The following PRKN variants were observed in gnomAD, a reference collection of about 807,000 sequenced individuals.
PRKN encodes the protein parkin RBR E3 ubiquitin protein ligase.
PRKN carries 56 observed loss-of-function variants against 59.5 expected under a neutral mutation model. The ratio of observed to expected loss-of-function variants is 0.94; its 90% CI spans 0.76 to 1.18. The LOEUF (loss-of-function observed/expected upper bound fraction) is 1.18, where lower values mean the gene tolerates loss of function less well. Ranked by LOEUF, PRKN falls within the 50% of genes most tolerant of loss-of-function variation. The pLI is 0.00. For missense variants in PRKN, 657 were observed against 596.4 expected (o/e 1.10, Z -1.06); for synonymous variants, 250 against 222.1 (o/e 1.13, Z -1.12).
In PRKN at chr6:161,499,953, T is replaced by A. The variant is rs557598748; in HGVS notation, c.1083+48901A>T. On this transcript the variant is annotated intron_variant, in intron 9 of 11. Coordinates refer to ENST00000366898, the MANE Select transcript of PRKN (RefSeq NM_004562.3). This position sits in a 1 kb window ranked among gnomAD's most constrained non-coding sequence, Gnocchi z 4.2. ...AGATAAACTGAACACCAAGTTGTCT[T>A]CTGAATGCTGCCCTCACTCTCCTCC... 9.2e-5 allele frequency among the ~76,000 whole-genome samples: 14 copies of A among 152,322 alleles called. No individual in the cohort carries two copies. The highest frequency in any genetic ancestry group is 3.4e-4 in the African/African-American group (14 of 41,568).
chr6:162,366,770 T>C (rs1278903970), intron 2 of PRKN, among the ~76,000 whole-genome samples: 4 of 151,912 alleles, frequency 2.6e-5, no homozygotes, highest in Non-Finnish European at 5.9e-5. Flanking sequence ...CTGGGTGTGG[T>C]GGTACATAAT....
chr6:162,565,848 T>C (rs1392622094), intron 1 of PRKN, among the ~76,000 whole-genome samples: 1 of 152,102 alleles, frequency 6.6e-6, no homozygotes, highest in Non-Finnish European at 1.5e-5. Flanking sequence ...CACACTTCAC[T>C]ATAAAGATCC....
At chr6:161,683,942 A>T (rs1340795495) in intron 7 of PRKN, among the ~76,000 whole-genome samples, 4 of 152,250 alleles carry the variant, frequency 2.6e-5, no homozygotes, top group Admixed American at 6.5e-5. Context: ...TTCTTCACTT[A>T]AATTTCATAT....
At chr6:162,612,921 A>G (rs966686496) in intron 1 of PRKN, among the ~76,000 whole-genome samples, 3 of 152,090 alleles carry the variant, frequency 2.0e-5, no homozygotes, top group African/African-American at 4.8e-5. Context: ...GTCTCTTCCC[A>G]CCAACCTATA....
chr6:162,545,827 G>A (rs181983520), intron 1 of PRKN, among the ~76,000 whole-genome samples: 3 of 152,118 alleles, frequency 2.0e-5, no homozygotes, highest in South Asian at 4.1e-4. Context: ...TTTCTCCTCC[G>A]AATTGGTAAT....
intron 3 of PRKN, among the ~76,000 whole-genome samples, chr6:162,257,944 C>T (rs1377778712): frequency 1.3e-5 from 2 of 152,118 alleles, no homozygotes; most frequent in Non-Finnish European, 2.9e-5. Context: ...GACCTCTCCA[C>T]CCTGCCCTTT....
chr6:161,700,095 G>A (rs1448153960), intron 7 of PRKN, among the ~76,000 whole-genome samples: 1 of 151,760 alleles, frequency 6.6e-6, no homozygotes, highest in Non-Finnish European at 1.5e-5. Flanking sequence ...ATGCCATCTA[G>A]TAGGACACCA....
At chr6:161,858,671 G>GCT (rs1793754559) in intron 6 of PRKN, among the ~76,000 whole-genome samples, 2 of 151,202 alleles carry the variant, frequency 1.3e-5, no homozygotes, top group Admixed American at 6.6e-5. Flanking sequence ...TGGGTGAAAT[G>GCT]CTCTTCCCGT....
intron 6 of PRKN, among the ~76,000 whole-genome samples, chr6:161,933,820 T>G (rs1331644484): frequency 1.7e-4 from 25 of 146,634 alleles, no homozygotes; most frequent in Admixed American, 1.4e-3. Flanking sequence ...GTCCTAAAGT[T>G]TCTGTCTGTC....
At chr6:162,097,860 A>T (rs1779807188) in intron 4 of PRKN, among the ~76,000 whole-genome samples, 1 of 152,220 alleles carries the variant, frequency 6.6e-6, no homozygotes, top group African/African-American at 2.4e-5. Context: ...AAACCAACGA[A>T]AAGCTTCCAA....
chr6:161,389,249 C>T (rs897554370), intron 9 of PRKN, among the ~76,000 whole-genome samples: 10 of 152,184 alleles, frequency 6.6e-5, no homozygotes, highest in African/African-American at 2.4e-4. Context: ...TCCTTTCCTA[C>T]GTCCAATTTC....
chr6:161,929,145 T>C (rs1482513505), intron 6 of PRKN, among the ~76,000 whole-genome samples: 4 of 152,114 alleles, frequency 2.6e-5, no homozygotes, highest in Admixed American at 6.5e-5. Flanking sequence ...CCATAAAAAG[T>C]AATAAAGGAT....
intron 7 of PRKN, among the ~76,000 whole-genome samples, chr6:161,758,043 T>A (rs925356134): frequency 2.7e-5 from 4 of 150,588 alleles, no homozygotes; most frequent in African/African-American, 9.8e-5. Context: ...ACACACTTAA[T>A]GGAATGTGAA....
chr6:161,946,414 A>ACACACACACACACACACACACTCTCTCT (rs1247187053), intron 6 of PRKN, among the ~76,000 whole-genome samples: 105 of 114,404 alleles, frequency 9.2e-4, no homozygotes, highest in Non-Finnish European at 1.6e-3. Flanking sequence ...ACACACACAC[A>ACACACACACACACACACACACTCTCTCT]CTCTCTCTCT....
chr6:162,692,013 T>C lies in PRKN; in HGVS notation c.7+35649A>G, dbSNP rs368010164. Among the ~76,000 whole-genome samples the C allele has an allele frequency of 4.5e-3, 686 of 152,272 alleles. 7 individuals are homozygous for C. The highest frequency in any genetic ancestry group is 0.015 in the African/African-American group (639 of 41,546). On this transcript the variant is annotated intron_variant, in intron 1 of 11. Transcript: ENST00000366898. ...GATTAAAAAAAAAAATCTTTTGTTG[T>C]GCAGAAGCTCTTTAGTTTAATTAGA... is the stretch of plus-strand genomic sequence containing the variant.
intron 9 of PRKN, among the ~76,000 whole-genome samples, chr6:161,521,392 G>T (rs1291923388): frequency 1.3e-5 from 2 of 152,198 alleles, no homozygotes; most frequent in African/African-American, 4.8e-5. Flanking sequence ...AAATCCCATT[G>T]TGTTAAAGTT....
chr6:161,614,254 A>G lies in PRKN; in HGVS notation c.872-44838T>C, dbSNP rs111820081. Among the ~76,000 whole-genome samples, 1,210 of 152,314 alleles carry G rather than the reference A, an allele frequency of 7.9e-3. 11 individuals are homozygous for G. Among genetic ancestry groups the G allele is most frequent in the South Asian group, 0.032 (152 of 4,824 alleles). ...TGTAGCTGCATTCGTGTTTAATGGCATAACTAGAGGACAGAATCTTGGAGG... is the reference window on the plus strand; with the variant it reads ...TGTAGCTGCATTCGTGTTTAATGGCGTAACTAGAGGACAGAATCTTGGAGG... On this transcript the variant is annotated intron_variant, in intron 7 of 11. Coordinates refer to ENST00000366898, the MANE Select transcript of PRKN (RefSeq NM_004562.3).
At chr6:162,609,143 C>T (rs974856442) in intron 1 of PRKN, among the ~76,000 whole-genome samples, 3 of 152,334 alleles carry the variant, frequency 2.0e-5, no homozygotes, top group South Asian at 4.1e-4. Flanking sequence ...AAACCCCTTT[C>T]ATGTACAGAA....
chr6:162,667,639 CAT>C (rs1779150740), intron 1 of PRKN, among the ~76,000 whole-genome samples: 1 of 152,044 alleles, frequency 6.6e-6, no homozygotes, highest in South Asian at 2.1e-4. Flanking sequence ...CTATCGCAAA[CAT>C]AGATCTTTTG....
Sources: allele counts gnomAD v4.1 joint callset (sites outside exome capture counted in the v4.1 genomes callset), GRCh38; gene constraint gnomAD v4.1.1; non-coding constraint Gnocchi (gnomAD v3.1); transcripts MANE v1.5; gene names NCBI Gene and HGNC (gene_info 2026-07-23, HGNC 2026-07-21).